ALPK3: variants seen among roughly 807,000 people sequenced by gnomAD.
ALPK3 encodes the protein alpha-protein kinase 3.
Under a neutral mutation model 140.0 loss-of-function variants are expected in ALPK3, and 102 were observed. The observed-to-expected ratio is 0.73, with a 90% confidence interval of 0.62 to 0.86. The LOEUF (loss-of-function observed/expected upper bound fraction) is 0.86. ALPK3 is among the 40% of genes least tolerant of loss of function. The pLI, the probability that ALPK3 is intolerant of heterozygous loss-of-function variation, is 0.00. For synonymous variants in ALPK3, 938 were observed against 898.5 expected (o/e 1.04, Z -0.79); for missense variants, 2,254 against 2,208.2 (o/e 1.02, Z -0.42).
chr15:84,840,670 G>T lies in ALPK3; in HGVS notation c.1391G>T (p.Gly464Val). ...AGCGAGGGGGTGCCTGGCGCTCCTG[G>T]CCAGCCCACACACTCCTTGACCCCC... ...ARSEGVPGAP[G>V]QPTHSLTPQP... Residue 464 changes from glycine to valine, a missense_variant, in exon 5 of 14, where the codon GGC (glycine) becomes GTC (valine). Gly to Val is a moderately radical substitution (Grantham distance 109). Around this residue, in one of 3 missense-constraint regions of ALPK3, gnomAD observed 2,088 missense variants for 2,022.9 expected, o/e 1.03. Transcript: ENST00000258888. 6.3e-7 allele frequency: 1 copy of T among 1,592,166 alleles called. No homozygotes were observed. Among genetic ancestry groups the T allele is most frequent in the Non-Finnish European group, 8.5e-7 (1 of 1,169,868 alleles).
In ALPK3 at chr15:84,856,446, G is replaced by C; in HGVS notation, c.1708G>C (p.Asp570His). The C allele has an allele frequency of 1.2e-6, 2 of 1,613,668 alleles. No individual in the cohort carries two copies. Among genetic ancestry groups the C allele is most frequent in the South Asian group, 2.2e-5 (2 of 90,948 alleles). Residue 570 changes from aspartate (D) to histidine (H), a missense_variant, in exon 6 of 14, where the codon GAT becomes CAT. Physicochemically the swap from Asp to His is moderately conservative, Grantham distance 81. Coordinates refer to ENST00000258888, the MANE Select transcript of ALPK3 (RefSeq NM_020778.5). ...APTMSASSSS[D>H]VASIGVSTSG... ...TACCATGTCGGCCAGCAGCAGCTCT[G>C]ATGTAGCCTCCATTGGGGTTAGCAC...
chr15:84,850,139 T>C (rs1392712490), intron 5 of ALPK3, among the ~76,000 whole-genome samples: 1 of 151,224 alleles, frequency 6.6e-6, no homozygotes. Flanking sequence ...ACAACTTAGA[T>C]GAAATAGAGC....
At chr15:84,862,580 C>G in intron 9 of ALPK3, 55 bp from the exon 10 acceptor site, 1 of 1,541,628 alleles carries the variant, frequency 6.5e-7, no homozygotes. Flanking sequence ...CTGTGAGCCC[C>G]ACATTGGTGA....
At chr15:84,822,655 TCCTCATCCTAGTGC>T (rs1251374840) in intron 1 of ALPK3, among the ~76,000 whole-genome samples, 1 of 152,080 alleles carries the variant, frequency 6.6e-6, no homozygotes, top group Non-Finnish European at 1.5e-5. Flanking sequence ...CCTGTGTGGG[TCCTCATCCTAGTGC>T]CCTACACAGT....
Position 84,857,357 on chromosome 15 carries a change from T to C in ALPK3, c.2619T>C (p.Thr873=), listed in dbSNP as rs1381348798. The change falls in exon 6 of 14, where the codon ACT becomes ACC. Residue 873 remains threonine (T), a synonymous_variant. Transcript: ENST00000258888. ...CCACGATGCCTTCTCTTCCTGGAACTGGGCTGACAGCTAGCCCAAAGGCGG... is the reference window on the plus strand; with the variant it reads ...CCACGATGCCTTCTCTTCCTGGAACCGGGCTGACAGCTAGCCCAAAGGCGG... ...EVPTMPSLPG[T]GLTASPKAGP... The C allele has an allele frequency of 1.2e-6, 2 of 1,614,032 alleles. No individual in the cohort carries two copies. The highest frequency in any genetic ancestry group is 1.3e-5 in the African/African-American group (1 of 74,942).
chr15:84,840,251 G>T lies in ALPK3; in HGVS notation c.972G>T (p.Lys324Asn). The change falls in exon 5 of 14, where the codon AAG becomes AAT. Residue 324 changes from lysine (K) to asparagine (N), a missense_variant. By Grantham distance (94) the Lys-to-Asn change is moderately conservative. This residue lies in a region of ALPK3 where 2,088 missense variants were observed against 2,022.9 expected (regional missense o/e 1.03). Coordinates refer to ENST00000258888, the MANE Select transcript of ALPK3 (RefSeq NM_020778.5). ...AKKKKKDEES[K>N]QGLRKPELEK... ...AGAAAAAGAAAGATGAGGAATCCAAGCAAGGCCTGCGGAAGCCAGAGTTAG... is the reference window on the plus strand; with the variant it reads ...AGAAAAAGAAAGATGAGGAATCCAATCAAGGCCTGCGGAAGCCAGAGTTAG... 1 of 1,613,752 alleles carries T rather than the reference G, an allele frequency of 6.2e-7. No homozygotes were observed. The highest frequency in any genetic ancestry group is 8.5e-7 in the Non-Finnish European group (1 of 1,180,020).
intron 1 of ALPK3, among the ~76,000 whole-genome samples, chr15:84,820,047 C>T (rs1456151787): frequency 1.3e-5 from 2 of 152,212 alleles, no homozygotes; most frequent in African/African-American, 4.8e-5. Flanking sequence ...CCCCAGGTCA[C>T]CCGGCATCTA....
Position 84,817,543 on chromosome 15 carries a change from A to G in ALPK3, c.91A>G (p.Ile31Val), listed in dbSNP as rs1369548336. The G allele has an allele frequency of 6.7e-7, 1 of 1,500,916 alleles. No individual in the cohort carries two copies. The highest frequency in any genetic ancestry group is 1.2e-5 in the South Asian group (1 of 81,976). The allele number at this position is 1,500,916 out of a possible 1,614,324, so 93.0% of individuals were successfully genotyped here. A position where few individuals can be genotyped will look rare whatever the true frequency, so the allele number is the denominator to read the frequency against. The change falls in exon 1 of 14, where the codon ATC becomes GTC. Residue 31 changes from isoleucine to valine, a missense_variant. Ile to Val is a conservative substitution (Grantham distance 29). Coordinates refer to ENST00000258888, the MANE Select transcript of ALPK3 (RefSeq NM_020778.5). ...GDGEDDGPVW[I>V]PSPASRSYLL... ...CGGTGAGGACGACGGCCCCGTGTGG[A>G]TCCCCAGCCCAGCCAGCCGGAGCTA...
intron 5 of ALPK3, among the ~76,000 whole-genome samples, chr15:84,841,530 T>C (rs1963667683): frequency 6.6e-6 from 1 of 152,240 alleles, no homozygotes; most frequent in South Asian, 2.1e-4. Context: ...TGTAAGAATC[T>C]GGTGCCCTCT....
chr15:84,858,150 T>C lies in ALPK3; in HGVS notation c.3412T>C (p.Ser1138Pro), dbSNP rs1213169185. 6.8e-6 allele frequency: 11 copies of C among 1,606,148 alleles called. No homozygotes were observed. The highest frequency in any genetic ancestry group is 6.8e-5 in the Admixed American group (4 of 58,572). ...AGCAGAGAGCATAGCCCAGGAGCCC[T>C]CCCAAGAGGAGAAGTTCCCAGGGGA... Reference protein sequence around the residue: ...PSAESIAQEPSQEEKFPGEAL... With the variant: ...PSAESIAQEPPQEEKFPGEAL... The change falls in exon 6 of 14, where the codon TCC becomes CCC. Residue 1138 changes from serine (S) to proline (P), a missense_variant. By Grantham distance (74) the Ser-to-Pro change is moderately conservative. This residue lies in a region of ALPK3 where 2,088 missense variants were observed against 2,022.9 expected (regional missense o/e 1.03). Coordinates refer to ENST00000258888, the MANE Select transcript of ALPK3 (RefSeq NM_020778.5).
chr15:84,862,547 G>A (rs1963958977), intron 9 of ALPK3, 88 bp from the exon 10 acceptor site: 1 of 1,477,808 alleles, frequency 6.8e-7, no homozygotes, highest in East Asian at 2.3e-5. Flanking sequence ...CAGGGTGGGA[G>A]GCTCTTCTGG....
chr15:84,817,560 C>G lies in ALPK3; in HGVS notation c.108C>G (p.Ser36Arg). 6.7e-7 allele frequency: 1 copy of G among 1,501,960 alleles called. No homozygotes were observed. The highest frequency in any genetic ancestry group is 1.4e-5 in the African/African-American group (1 of 69,108). The allele number at this position is 1,501,960 out of a possible 1,614,324, so 93.0% of individuals were successfully genotyped here. The change falls in exon 1 of 14, where the codon AGC (serine) becomes AGG (arginine). Residue 36 changes from serine (S) to arginine (R), a missense_variant. Transcript: ENST00000258888. ...DGPVWIPSPA[S>R]RSYLLSVRPE... ...CCGTGTGGATCCCCAGCCCAGCCAG[C>G]CGGAGCTACCTGCTCAGCGTGCGGC...
chr15:84,868,501 G>A lies in ALPK3; in HGVS notation c.*45G>A. 6.5e-7 allele frequency: 1 copy of A among 1,533,384 alleles called. No individual in the cohort carries two copies. The highest frequency in any genetic ancestry group is 8.8e-7 in the Non-Finnish European group (1 of 1,139,018). 95.0% of individuals were successfully genotyped at this position (1,533,384 alleles called of 1,614,324 possible). On this transcript the variant is annotated 3_prime_UTR_variant, in exon 14 of 14. Transcript: ENST00000258888. The stretch of plus-strand genomic sequence containing the variant: ...CCTCCACCCAGCAGCAGACCAACCA[G>A]GAAGCAGCTTGAACTGGATGGAGAC...
intron 1 of ALPK3, among the ~76,000 whole-genome samples, chr15:84,821,755 T>C (rs1012981711): frequency 4.1e-4 from 62 of 152,002 alleles, no homozygotes; most frequent in Non-Finnish European, 7.9e-4. Flanking sequence ...CTCCCTTCTA[T>C]AGAACAGCAG....
In ALPK3 at chr15:84,820,670, C is replaced by T. The variant is rs372134106; in HGVS notation, c.144-2660C>T. On this transcript the variant is annotated intron_variant, in intron 1 of 13. Coordinates refer to ENST00000258888, the MANE Select transcript of ALPK3 (RefSeq NM_020778.5). ...CTAATTTTTGTATTTTTAGCAGAGA[C>T]GGGATTTCATCCTGTTGGCCAGGCT... Among the ~76,000 whole-genome samples the T allele has an allele frequency of 1.2e-4, 18 of 152,246 alleles. No individual in the cohort carries two copies. In the East Asian group the frequency reaches 1.5e-3, roughly 13 times the overall value.
At chr15:84,855,407 G>GT (rs1347597641) in intron 5 of ALPK3, among the ~76,000 whole-genome samples, 1 of 152,108 alleles carries the variant, frequency 6.6e-6, no homozygotes, top group Non-Finnish European at 1.5e-5. Flanking sequence ...CCTTTTGTTT[G>GT]TTTTTTGAGA....
chr15:84,850,668 T>C (rs1963791747), intron 5 of ALPK3, among the ~76,000 whole-genome samples: 1 of 152,028 alleles, frequency 6.6e-6, no homozygotes, highest in Non-Finnish European at 1.5e-5. Flanking sequence ...ATTCTAGACA[T>C]GAGCAACCAT....
intron 5 of ALPK3, among the ~76,000 whole-genome samples, chr15:84,844,548 T>C (rs1963706937): frequency 6.6e-6 from 1 of 152,052 alleles, no homozygotes; most frequent in African/African-American, 2.4e-5. Flanking sequence ...TTTCACCAAA[T>C]ACCTAGAAAC....
At chr15:84,837,651 A>T (rs1555434441) in intron 3 of ALPK3, among the ~76,000 whole-genome samples, 1 of 152,236 alleles carries the variant, frequency 6.6e-6, no homozygotes, top group Non-Finnish European at 1.5e-5. Context: ...CAGCTTAAGA[A>T]ATGAAGCAGG....
Sources: gnomAD v4.1 joint callset for allele counts (sites outside exome capture counted in the v4.1 genomes callset) on GRCh38, gnomAD v4.1.1 for gene constraint, gnomAD v4.1.1 regional missense constraint, MANE v1.5 for transcripts, NCBI Gene and HGNC (gene_info 2026-07-23, HGNC 2026-07-21) for gene names.